AFF3: variants seen among roughly 807,000 people sequenced by gnomAD.
AFF3 encodes the protein ALF transcription elongation factor 3, also known as AF4/FMR2 family member 3.
Under a neutral mutation model 129.7 loss-of-function variants are expected in AFF3, and 32 were observed. The ratio of observed to expected loss-of-function variants is 0.25; its 90% CI spans 0.19 to 0.33. The LOEUF (loss-of-function observed/expected upper bound fraction) is 0.33, where lower values mean the gene tolerates loss of function less well. Ranked by LOEUF, AFF3 falls within the 10% of genes least tolerant of loss-of-function variation. The pLI is 1.00. For missense variants in AFF3, 1,373 were observed against 1,592.0 expected, an observed-to-expected ratio of 0.86 and a Z score of 2.34; for synonymous variants, 644 against 635.4, an observed-to-expected ratio of 1.01 and a Z score of -0.20.
At chr2:100,052,159 T>C (rs996936289) in intron 4 of AFF3, among the ~76,000 whole-genome samples, 1 of 152,208 alleles carries the variant, frequency 6.6e-6, no homozygotes, top group Non-Finnish European at 1.5e-5. Flanking sequence ...TTGTAGTTCA[T>C]GTATGAATTA....
intron 4 of AFF3, among the ~76,000 whole-genome samples, chr2:100,058,518 G>A (rs1686986845): frequency 6.6e-6 from 1 of 152,158 alleles, no homozygotes; most frequent in South Asian, 2.1e-4. Context: ...CCACATAGGT[G>A]CAATGCTTCT....
rs547858936 is a variant in AFF3 at position 99,553,709 on chromosome 2, C to T, written c.3559+602G>A. On this transcript the variant is annotated intron_variant, in intron 24 of 24. Transcript: ENST00000672756. Reference sequence around the variant, plus strand: ...CAGGCAGATCACGAGGTCAAGAGATCGAGATCATCCTGGCCAACATGGTGA... The same window carrying T: ...CAGGCAGATCACGAGGTCAAGAGATTGAGATCATCCTGGCCAACATGGTGA... Among the ~76,000 whole-genome samples, 19 of 151,584 alleles carry T rather than the reference C, an allele frequency of 1.3e-4. 1 individual carries two copies. Among genetic ancestry groups the T allele is most frequent in the Middle Eastern group, 3.4e-3 (1 of 294 alleles).
chr2:99,818,935 A>G (rs891463583), intron 8 of AFF3, among the ~76,000 whole-genome samples: 1 of 152,210 alleles, frequency 6.6e-6, no homozygotes, highest in African/African-American at 2.4e-5. Flanking sequence ...TAAACTGACA[A>G]TCAACTAAGA....
chr2:99,756,143 C>T (rs775005276), intron 8 of AFF3, among the ~76,000 whole-genome samples: 23 of 152,220 alleles, frequency 1.5e-4, no homozygotes, highest in Admixed American at 1.5e-3. Context: ...CTTTCTCTGT[C>T]CACTCCACCC....
intron 18 of AFF3, among the ~76,000 whole-genome samples, chr2:99,575,081 G>C (rs951054955): frequency 4.6e-5 from 7 of 152,132 alleles, no homozygotes; most frequent in African/African-American, 1.7e-4. Flanking sequence ...CTGAAGAACT[G>C]AGAATTAATT....
chr2:99,674,212 G>A (rs1199691194), intron 11 of AFF3, among the ~76,000 whole-genome samples: 3 of 152,136 alleles, frequency 2.0e-5, no homozygotes, highest in Non-Finnish European at 1.5e-5. Context: ...GCTGTAAAGC[G>A]GCACCCCCAA....
At chr2:99,769,849 GTCTC>G (rs1349773170) in intron 8 of AFF3, among the ~76,000 whole-genome samples, 4 of 152,188 alleles carry the variant, frequency 2.6e-5, no homozygotes, top group East Asian at 3.9e-4. Context: ...AACAAATGGA[GTCTC>G]TCTTTCTCCC....
chr2:99,972,160 A>G (rs1188291633), intron 7 of AFF3, among the ~76,000 whole-genome samples: 1 of 152,182 alleles, frequency 6.6e-6, no homozygotes, highest in Non-Finnish European at 1.5e-5. Flanking sequence ...ATGTATTCCA[A>G]ATCCTGGAGC....
Position 100,006,897 on chromosome 2 carries a change from G to A in AFF3, c.608C>T (p.Ala203Val), listed in dbSNP as rs1330459783. The A allele has an allele frequency of 6.2e-7, 1 of 1,614,114 alleles. No individual in the cohort carries two copies. The highest frequency in any genetic ancestry group is 1.7e-5 in the Admixed American group (1 of 60,008). ...GTGTCCGCTGCTGCTGTGCTTGGCC[G>A]CCATGGCAGGTGGCCTCTCCTGGGT... Reference protein sequence around the residue: ...LQTQERPPAMAAKHSSSGHCV... With the variant: ...LQTQERPPAMVAKHSSSGHCV... The change falls in exon 7 of 25, where the codon GCG becomes GTG. Residue 203 changes from alanine to valine, a missense_variant. Around this residue, in one of 9 missense-constraint regions of AFF3, gnomAD observed 255 missense variants for 256.0 expected, o/e 1.00. Transcript: ENST00000672756.
chr2:99,611,098 G>A (rs1680875877), intron 13 of AFF3, among the ~76,000 whole-genome samples: 1 of 151,986 alleles, frequency 6.6e-6, no homozygotes, highest in Admixed American at 6.5e-5. Context: ...CATCCATTGA[G>A]TTTTTCAAAT....
chr2:99,678,442 G>A (rs551440472), intron 11 of AFF3, among the ~76,000 whole-genome samples: 32 of 152,326 alleles, frequency 2.1e-4, no homozygotes, highest in Admixed American at 1.4e-3. Context: ...AAACGGGCAC[G>A]TTAACTACCT....
chr2:99,762,252 G>A (rs1682678705), intron 8 of AFF3, among the ~76,000 whole-genome samples: 1 of 151,704 alleles, frequency 6.6e-6, no homozygotes, highest in African/African-American at 2.4e-5. Context: ...AGCCTCCTGA[G>A]TCCTGGGACT....
chr2:99,993,618 A>C (rs1235787402), intron 7 of AFF3, among the ~76,000 whole-genome samples: 1 of 151,894 alleles, frequency 6.6e-6, no homozygotes, highest in Non-Finnish European at 1.5e-5. Flanking sequence ...ACACTTCAAA[A>C]TACAAGAAAG....
chr2:99,716,712 C>G (rs1183954317), intron 11 of AFF3, among the ~76,000 whole-genome samples: 3 of 151,872 alleles, frequency 2.0e-5, no homozygotes. Context: ...GAAACCCCAT[C>G]TCTACTAAAA....
rs1674205270 is a variant in AFF3, at chr2:99,548,749, A to T, written c.*2725T>A. The T allele has an allele frequency of 4.3e-6, 1 of 229,994 alleles. No homozygotes were observed. The highest frequency in any genetic ancestry group is 2.2e-5 in the African/African-American group (1 of 45,112). The allele number at this position is 229,994 out of a possible 1,614,324, so 14.2% of individuals were successfully genotyped here. A position where few individuals can be genotyped will look rare whatever the true frequency, so the allele number is the denominator to read the frequency against. ...CAGAGCCAGACCCGGTCTCAAAACCAACCAAACCAACAACAACAGCAGTAA... is the reference window on the plus strand; with the variant it reads ...CAGAGCCAGACCCGGTCTCAAAACCTACCAAACCAACAACAACAGCAGTAA... On this transcript the variant is annotated 3_prime_UTR_variant, in exon 25 of 25. Coordinates refer to ENST00000672756, the MANE Select transcript of AFF3 (RefSeq NM_001386135.1).
intron 7 of AFF3, among the ~76,000 whole-genome samples, chr2:99,917,733 A>C (rs770578231): frequency 6.6e-6 from 1 of 152,188 alleles, no homozygotes; most frequent in South Asian, 2.1e-4. Context: ...GTGGGTATCT[A>C]TCTCATTAAC....
chr2:99,823,414 G>C (rs1254724227), intron 8 of AFF3, among the ~76,000 whole-genome samples: 1 of 152,104 alleles, frequency 6.6e-6, no homozygotes, highest in Non-Finnish European at 1.5e-5. Flanking sequence ...TAAGTATTCT[G>C]ATAATGTTAA....
rs1056183107 is a variant in AFF3, at chr2:99,970,891, G to A, written c.873+35741C>T. Among the ~76,000 whole-genome samples the A allele has an allele frequency of 3.3e-5, 5 of 152,182 alleles. No individual in the cohort carries two copies. In the East Asian group the frequency reaches 5.8e-4, roughly 18 times the overall value. The stretch of plus-strand genomic sequence containing the variant: ...CACTCACTGCTTGAGATCCTCAACC[G>A]TCAACCTGGCTTCTCCATGCTCACA... On this transcript the variant is annotated intron_variant, in intron 7 of 24. Coordinates refer to ENST00000672756, the MANE Select transcript of AFF3 (RefSeq NM_001386135.1).
chr2:99,727,794 T>C (rs1276210755), intron 10 of AFF3, among the ~76,000 whole-genome samples: 1 of 152,140 alleles, frequency 6.6e-6, no homozygotes, highest in African/African-American at 2.4e-5. Flanking sequence ...ACTCCTGACC[T>C]CAAGTGATCT....
Sources: allele counts gnomAD v4.1 joint callset (sites outside exome capture counted in the v4.1 genomes callset), GRCh38; gene constraint gnomAD v4.1.1; regional missense constraint gnomAD v4.1.1; transcripts MANE v1.5; gene names NCBI Gene and HGNC (gene_info 2026-07-23, HGNC 2026-07-21).